Variants in PRELID2 observed in about 807,000 individuals in gnomAD.
PRELID2 encodes PRELI domain-containing protein 2.
In PRELID2, 25 loss-of-function variants were observed where a neutral mutation model predicts 28.4. The ratio of observed to expected loss-of-function variants is 0.88; its 90% CI spans 0.64 to 1.23. PRELID2 has a LOEUF of 1.23. Ranked by LOEUF, PRELID2 falls within the 50% of genes most tolerant of loss-of-function variation. The probability of loss-of-function intolerance (pLI) is 0.00; values close to 1 mark genes in which losing one functional copy is unlikely to be tolerated. For missense variants in PRELID2, 201 were observed against 214.4 expected, an observed-to-expected ratio of 0.94 and a Z score of 0.39; for synonymous variants, 76 against 71.6, an observed-to-expected ratio of 1.06 and a Z score of -0.31.
the PRELID2 span, among the ~76,000 whole-genome samples, chr5:145,233,410 T>C: frequency 6.6e-6 from 1 of 152,132 alleles, no homozygotes; most frequent in Admixed American, 6.6e-5. Context: ...AACATTGTTT[T>C]CAGAGGAGAA....
At chr5:145,765,422 AC>A (rs1757686112) in intron 5 of PRELID2, among the ~76,000 whole-genome samples, 1 of 151,886 alleles carries the variant, frequency 6.6e-6, no homozygotes, top group Non-Finnish European at 1.5e-5. Context: ...TATCACTGAG[AC>A]CCCTCCCAGA....
intron 1 of PRELID2, among the ~76,000 whole-genome samples, chr5:145,515,793 C>T (rs13177895): frequency 0.18 from 28,051 of 152,066 alleles, 2,949 homozygotes; most frequent in South Asian, 0.35. Flanking sequence ...TTATCCACCA[C>T]GATCAAGTCG....
intron 1 of PRELID2, among the ~76,000 whole-genome samples, chr5:145,646,004 T>C (rs760446825): frequency 9.9e-5 from 15 of 152,198 alleles, no homozygotes; most frequent in Non-Finnish European, 1.9e-4. Context: ...CTGACAATTA[T>C]GTTTCTTGGG....
chr5:145,554,214 G>A (rs1027078675), intron 1 of PRELID2, among the ~76,000 whole-genome samples: 7 of 152,148 alleles, frequency 4.6e-5, no homozygotes, highest in African/African-American at 1.2e-4. Flanking sequence ...GCCCAACAAC[G>A]AGGCTAGAAC....
the PRELID2 span, among the ~76,000 whole-genome samples, chr5:145,335,255 C>T: frequency 4.6e-5 from 7 of 151,798 alleles, no homozygotes; most frequent in African/African-American, 1.7e-4. Flanking sequence ...GATGTTGAAG[C>T]TTTCTCTTGC....
chr5:145,311,750 A>G, the PRELID2 span, among the ~76,000 whole-genome samples: 5 of 152,162 alleles, frequency 3.3e-5, no homozygotes, highest in African/African-American at 1.2e-4. Flanking sequence ...CAGGTGCTAC[A>G]TGATATGGAT....
chr5:145,653,927 A>G (rs1195595928), intron 1 of PRELID2, among the ~76,000 whole-genome samples: 2 of 152,192 alleles, frequency 1.3e-5, no homozygotes, highest in Admixed American at 6.5e-5. Flanking sequence ...ATAGAGACAT[A>G]AAAAACCCTT....
chr5:145,621,507 T>A (rs113767496), intron 1 of PRELID2, among the ~76,000 whole-genome samples: 2,888 of 152,222 alleles, frequency 0.019, 34 homozygotes, highest in South Asian at 0.044. Context: ...CCAAATCCCA[T>A]CAACTGCTGA....
At chr5:145,381,712 G>T in the PRELID2 span, 1 of 152,380 alleles carries the variant, frequency 6.6e-6, no homozygotes, top group Non-Finnish European at 1.5e-5. Context: ...AGAACTGAGA[G>T]ATTTTTCTGC....
At chr5:145,320,914 AT>A in the PRELID2 span, among the ~76,000 whole-genome samples, 6 of 152,286 alleles carry the variant, frequency 3.9e-5, no homozygotes, top group African/African-American at 1.4e-4. Context: ...TCTGTTGAGC[AT>A]TTTCTATATG....
At position 145,757,420 on chromosome 5, in the gene PRELID2, G is replaced by A. The variant is rs144114556; in HGVS notation, c.*3116C>T. Among the ~76,000 whole-genome samples the A allele has an allele frequency of 6.7e-3, 1,013 of 152,264 alleles. 9 individuals carry two copies. The highest frequency in any genetic ancestry group is 0.015 in the Admixed American group (225 of 15,294). ...GGACTGAGAACCTGCACGTTAGCAC[G>A]TTGCCCCAAAGATTTCTGGTACATG... On this transcript the variant is annotated 3_prime_UTR_variant, in exon 7 of 7. Coordinates refer to ENST00000683046, the MANE Select transcript of PRELID2 (RefSeq NM_205846.3).
At chr5:145,679,168 A>ACTCTCTAT (rs1754882803) in intron 1 of PRELID2, among the ~76,000 whole-genome samples, 1 of 151,898 alleles carries the variant, frequency 6.6e-6, no homozygotes, top group Non-Finnish European at 1.5e-5. Flanking sequence ...TGGGATTGAA[A>ACTCTCTAT]CTCTCTATCT....
intron 1 of PRELID2, among the ~76,000 whole-genome samples, chr5:145,590,623 CAGTCTTACTA>C (rs1753213857): frequency 6.6e-6 from 1 of 152,068 alleles, no homozygotes; most frequent in African/African-American, 2.4e-5. Flanking sequence ...GTATTAGTAC[CAGTCTTACTA>C]AATTGTTACA....
intron 1 of PRELID2, among the ~76,000 whole-genome samples, chr5:145,665,644 C>G (rs1207975114): frequency 2.0e-5 from 3 of 152,060 alleles, no homozygotes; most frequent in African/African-American, 7.2e-5. Context: ...GGGCTCTAGC[C>G]CATCTCTCCA....
chr5:145,499,396 T>C (rs1021653457), intron 1 of PRELID2, among the ~76,000 whole-genome samples: 6 of 152,350 alleles, frequency 3.9e-5, no homozygotes, highest in African/African-American at 1.4e-4. Context: ...TCTATCTTTT[T>C]CTGAAGTTCT....
At chr5:145,380,774 T>A in the PRELID2 span, among the ~76,000 whole-genome samples, 7 of 152,146 alleles carry the variant, frequency 4.6e-5, no homozygotes, top group Non-Finnish European at 8.8e-5. Context: ...GAATATGAGA[T>A]CCTTGAAGGC....
chr5:145,322,493 A>C, the PRELID2 span, among the ~76,000 whole-genome samples: 1 of 152,216 alleles, frequency 6.6e-6, no homozygotes, highest in Admixed American at 6.5e-5. Context: ...GGTTTAGCCA[A>C]AATCTAGCCA....
intron 1 of PRELID2, among the ~76,000 whole-genome samples, chr5:145,736,562 G>A (rs1286736952): frequency 6.6e-6 from 1 of 152,126 alleles, no homozygotes. Flanking sequence ...GATCTATCTG[G>A]TGAGCCAGAA....
intron 1 of PRELID2, among the ~76,000 whole-genome samples, chr5:145,591,770 T>A (rs2149631439): frequency 6.6e-6 from 1 of 152,332 alleles, no homozygotes; most frequent in South Asian, 2.1e-4. Context: ...CTGGAGCCAC[T>A]GACTAACTTT....
Sources: allele counts gnomAD v4.1 joint callset (sites outside exome capture counted in the v4.1 genomes callset), GRCh38; gene constraint gnomAD v4.1.1; transcripts MANE v1.5; gene names NCBI Gene and HGNC (gene_info 2026-07-23, HGNC 2026-07-21).